NRG3: variants seen among roughly 807,000 people sequenced by gnomAD.
NRG3 encodes neuregulin 3, also known as pro-neuregulin-3, membrane-bound isoform.
A neutral mutation model predicts 66.9 loss-of-function variants in NRG3; 31 were observed. The ratio of observed to expected loss-of-function variants is 0.46; its 90% CI spans 0.35 to 0.63. The LOEUF is 0.63. Ranked by LOEUF, NRG3 falls within the 20% of genes least tolerant of loss-of-function variation. The pLI is 0.00. For missense variants in NRG3, 910 were observed against 878.9 expected (o/e 1.04, Z -0.45); for synonymous variants, 393 against 359.4 (o/e 1.09, Z -1.06).
intron 3 of NRG3, among the ~76,000 whole-genome samples, chr10:82,754,416 T>C (rs2058995550): frequency 6.6e-6 from 1 of 151,830 alleles, no homozygotes; most frequent in East Asian, 1.9e-4. Context: ...TGATTACTAA[T>C]ATATACTTAG....
intron 2 of NRG3, among the ~76,000 whole-genome samples, chr10:82,621,510 G>A (rs1259713092): frequency 6.6e-6 from 1 of 152,196 alleles, no homozygotes; most frequent in Non-Finnish European, 1.5e-5. Context: ...AGTAGAATAA[G>A]CAGTGCGTGT....
chr10:82,087,150 A>G (rs2065772652), intron 1 of NRG3, among the ~76,000 whole-genome samples: 1 of 152,162 alleles, frequency 6.6e-6, no homozygotes, highest in Admixed American at 6.5e-5. Flanking sequence ...TTAATCTTTA[A>G]GGCAGAAGGA....
chr10:82,786,109 A>G (rs1366709332), intron 3 of NRG3, among the ~76,000 whole-genome samples: 1 of 152,194 alleles, frequency 6.6e-6, no homozygotes, highest in Admixed American at 6.5e-5. Context: ...TGAGGCCACT[A>G]CATAAACTCC....
chr10:82,592,537 C>T (rs1391487957), intron 2 of NRG3, among the ~76,000 whole-genome samples: 1 of 152,148 alleles, frequency 6.6e-6, no homozygotes, highest in African/African-American at 2.4e-5. Flanking sequence ...AGTGAGACTA[C>T]TCATGTGCCA....
chr10:82,523,498 C>T (rs886300351), intron 2 of NRG3, among the ~76,000 whole-genome samples: 7 of 151,952 alleles, frequency 4.6e-5, no homozygotes, highest in African/African-American at 1.7e-4. Flanking sequence ...TTTTAATGTC[C>T]TTACCGGCCA....
intron 1 of NRG3, among the ~76,000 whole-genome samples, chr10:82,201,291 G>C (rs531493982): frequency 6.6e-6 from 1 of 152,040 alleles, no homozygotes; most frequent in South Asian, 2.1e-4. Context: ...CATGGCCAGA[G>C]GGAAGGAGTT....
At chr10:82,286,824 G>T (rs1181110262) in intron 1 of NRG3, among the ~76,000 whole-genome samples, 6 of 152,134 alleles carry the variant, frequency 3.9e-5, no homozygotes, top group Non-Finnish European at 8.8e-5. Context: ...CTGACCTCGT[G>T]ATCTGCCCAC....
Position 82,860,508 on chromosome 10 carries a change from T to C in NRG3, c.1028-4903T>C, listed in dbSNP as rs141465471. Reference sequence around the variant, plus strand: ...TTCCCAGCACTTATGGGCAATCTGGTTTAGAGAAAGTTAGTTCCCCTCTCC... The same window carrying C: ...TTCCCAGCACTTATGGGCAATCTGGCTTAGAGAAAGTTAGTTCCCCTCTCC... On this transcript the variant is annotated intron_variant, in intron 3 of 8. Coordinates refer to ENST00000372141, the MANE Select transcript of NRG3 (RefSeq NM_001010848.4). Among the ~76,000 whole-genome samples the C allele has an allele frequency of 3.3e-3, 496 of 152,214 alleles. 6 individuals are homozygous for C. Among genetic ancestry groups the C allele is most frequent in the African/African-American group, 0.011 (456 of 41,528 alleles).
intron 1 of NRG3, among the ~76,000 whole-genome samples, chr10:82,245,984 T>TTTTG (rs760484120): frequency 0.092 from 13,028 of 140,988 alleles, 646 homozygotes; most frequent in Non-Finnish European, 0.13. Context: ...TCTGGTTTTT[T>TTTTG]TTTTTTTTTT....
intron 2 of NRG3, among the ~76,000 whole-genome samples, chr10:82,665,666 A>G (rs903682165): frequency 2.6e-5 from 4 of 151,816 alleles, no homozygotes; most frequent in Non-Finnish European, 5.9e-5. Flanking sequence ...TTCTTTCTTT[A>G]TCCTGCTTAG....
chr10:82,841,154 G>A (rs2063037760), intron 3 of NRG3, among the ~76,000 whole-genome samples: 1 of 152,056 alleles, frequency 6.6e-6, no homozygotes, highest in African/African-American at 2.4e-5. Context: ...GGAACACAAA[G>A]GATTGCTGCC....
chr10:82,529,442 G>A (rs1847043036), intron 2 of NRG3, among the ~76,000 whole-genome samples: 1 of 152,188 alleles, frequency 6.6e-6, no homozygotes, highest in African/African-American at 2.4e-5. Flanking sequence ...GTTGTAGAAT[G>A]CCTAGAATAG....
intron 1 of NRG3, among the ~76,000 whole-genome samples, chr10:82,117,139 AATTTCCTCTGGGGAAC>A (rs1299304054): frequency 6.6e-6 from 1 of 152,080 alleles, no homozygotes; most frequent in Non-Finnish European, 1.5e-5. Context: ...ATTTAAGGAT[AATTTCCTCTGGGGAAC>A]TTTCCAACTC....
In NRG3 at chr10:82,599,118, G is replaced by A. The variant is rs1045093273; in HGVS notation, c.954-139459G>A. Among the ~76,000 whole-genome samples, 19 of 152,246 alleles carry A rather than the reference G, an allele frequency of 1.2e-4. No individual in the cohort carries two copies. In the South Asian group the frequency reaches 1.7e-3, roughly 13 times the overall value. ...ACTGAAGGTCAGTAGGTATGGCAGT[G>A]AGTATAATCAAATTAGTCAGGGATT... On this transcript the variant is annotated intron_variant, in intron 2 of 8. Coordinates refer to ENST00000372141, the MANE Select transcript of NRG3 (RefSeq NM_001010848.4).
At chr10:82,926,132 AC>A (rs1846973054) in intron 4 of NRG3, among the ~76,000 whole-genome samples, 1 of 152,214 alleles carries the variant, frequency 6.6e-6, no homozygotes. Context: ...AGAAAACTCC[AC>A]CAAGTTCCAA....
chr10:82,932,657 T>C (rs1847686224), intron 4 of NRG3, among the ~76,000 whole-genome samples: 1 of 152,162 alleles, frequency 6.6e-6, no homozygotes, highest in Non-Finnish European at 1.5e-5. Context: ...TCCTGCAAGC[T>C]CACAGTGGAG....
chr10:82,325,553 G>A (rs1182090001), intron 1 of NRG3, among the ~76,000 whole-genome samples: 2 of 151,920 alleles, frequency 1.3e-5, no homozygotes, highest in East Asian at 3.9e-4. Flanking sequence ...ATATTTTAAA[G>A]TGGGCTTTTT....
intron 3 of NRG3, among the ~76,000 whole-genome samples, chr10:82,749,296 T>C (rs914350650): frequency 6.6e-6 from 1 of 151,708 alleles, no homozygotes; most frequent in African/African-American, 2.4e-5. Context: ...AGAGAGAAAA[T>C]CCTAGCAGTG....
chr10:82,843,108 G>A, intron 3 of NRG3: 1 of 317,912 alleles, frequency 3.1e-6, no homozygotes, highest in South Asian at 2.6e-5. Flanking sequence ...TATATTTGTG[G>A]AGAAGATGGG....
Sources: gnomAD v4.1 joint callset for allele counts (sites outside exome capture counted in the v4.1 genomes callset) on GRCh38, gnomAD v4.1.1 for gene constraint, MANE v1.5 for transcripts, NCBI Gene and HGNC (gene_info 2026-07-23, HGNC 2026-07-21) for gene names.